SLC24A2: variants seen among roughly 807,000 people sequenced by gnomAD.
The protein encoded by SLC24A2 is sodium/potassium/calcium exchanger 2.
SLC24A2 carries 36 observed loss-of-function variants against 62.0 expected under a neutral mutation model. That is an observed-to-expected ratio of 0.58 (90% confidence interval 0.44 to 0.77). The LOEUF is 0.77. SLC24A2 is among the 30% of genes least tolerant of loss of function. SLC24A2 has a pLI of 0.00. For synonymous variants in SLC24A2, 358 were observed against 294.0 expected, an observed-to-expected ratio of 1.22 and a Z score of -2.23; for missense variants, 846 against 817.9, an observed-to-expected ratio of 1.03 and a Z score of -0.42.
At chr9:20,145,603 GT>G in the SLC24A2 span, among the ~76,000 whole-genome samples, 1 of 2,214 alleles carries the variant, frequency 4.5e-4, no homozygotes, top group African/African-American at 2.6e-3. Context: ...TCACATGTAT[GT>G]GTGTGTGTGT....
In SLC24A2 at chr9:19,636,319, C is replaced by CTTTTCT. The variant is rs1554690372; in HGVS notation, c.931-14021_931-14020insAGAAAA. On this transcript the variant is annotated intron_variant, in intron 2 of 10. Transcript: ENST00000341998. ...CTTTTCTTTTCTTTTCTTTTCTTTTCTTTCTTTCTTTCTTTCTTTCTTTCT... is the reference window on the plus strand; with the variant it reads ...CTTTTCTTTTCTTTTCTTTTCTTTTCTTTTCTTTTCTTTCTTTCTTTCTTTCTTTCT... 2.3e-3 allele frequency among the ~76,000 whole-genome samples: 101 copies of CTTTTCT among 43,426 alleles called. 6 individuals carry two copies. Among genetic ancestry groups the CTTTTCT allele is most frequent in the Middle Eastern group, 0.027 (2 of 74 alleles). The allele number at this position is 43,426 out of a possible 152,430, so 28.5% of individuals were successfully genotyped here.
At chr9:20,200,567 T>A in the SLC24A2 span, among the ~76,000 whole-genome samples, 1 of 152,196 alleles carries the variant, frequency 6.6e-6, no homozygotes. Flanking sequence ...GAGAAAGCAG[T>A]CAACTCATTG....
At position 19,573,472 on chromosome 9, in the gene SLC24A2, G is replaced by A. The variant is rs2068050672; in HGVS notation, c.1229-3C>T. On this transcript the variant is annotated splice_region_variant and splice_polypyrimidine_tract_variant and intron_variant, in intron 6 of 10. Transcript: ENST00000341998. ...GCTGTTTGGAAGCTCAATTTTTTCT[G>A]TGATATAATTTAAACACACACACAC... 5 of 1,511,818 alleles carry A rather than the reference G, an allele frequency of 3.3e-6. No homozygotes were observed. The South Asian group carries it at 5.6e-5, about 17-fold the overall frequency. 93.7% of individuals were successfully genotyped at this position (1,511,818 alleles called of 1,614,324 possible).
At chr9:19,749,727 A>G (rs941815729) in intron 2 of SLC24A2, among the ~76,000 whole-genome samples, 4 of 152,242 alleles carry the variant, frequency 2.6e-5, no homozygotes, top group African/African-American at 9.6e-5. Flanking sequence ...GACTCCTTGT[A>G]TAATGAAAAA....
rs1209978120 is a variant in SLC24A2 at position 19,678,009 on chromosome 9, AT to A, written c.931-55711del. Among the ~76,000 whole-genome samples the A allele has an allele frequency of 2.0e-5, 3 of 152,250 alleles. No homozygotes were observed. In the East Asian group the frequency reaches 5.8e-4, roughly 29 times the overall value. ...AGGAACAGAGGGCTTCAACCAGACA[AT>A]CCTGGTCTTAAATCTTATCTCTGTC... On this transcript the variant is annotated intron_variant, in intron 2 of 10. Transcript: ENST00000341998.
chr9:19,545,822 T>C (rs1318454092), intron 8 of SLC24A2, among the ~76,000 whole-genome samples: 1 of 152,070 alleles, frequency 6.6e-6, no homozygotes, highest in Non-Finnish European at 1.5e-5. Flanking sequence ...GTGTTTTTAC[T>C]AGAGACGGGT....
At chr9:19,822,826 C>T in the SLC24A2 span, among the ~76,000 whole-genome samples, 1 of 152,118 alleles carries the variant, frequency 6.6e-6, no homozygotes, top group Non-Finnish European at 1.5e-5. Flanking sequence ...TATCCTAGTT[C>T]CTTAACACAT....
At chr9:19,995,839 A>C in the SLC24A2 span, among the ~76,000 whole-genome samples, 1 of 152,202 alleles carries the variant, frequency 6.6e-6, no homozygotes, top group African/African-American at 2.4e-5. Context: ...TGGGGCAGGC[A>C]TCATGTGCTT....
rs1212120741 is a variant in SLC24A2, at chr9:19,564,925, T to C, written c.1347+8426A>G. ...GTGGGCCAAGTGCAAATCACCCATC[T>C]AGATTGGCAAAATTGAAATGTAAGA... On this transcript the variant is annotated intron_variant, in intron 7 of 10. Transcript: ENST00000341998. 2.6e-5 allele frequency among the ~76,000 whole-genome samples: 4 copies of C among 152,214 alleles called. No homozygotes were observed. The Middle Eastern group carries it at 0.014, about 518-fold the overall frequency.
chr9:19,730,690 T>C (rs1473839356), intron 2 of SLC24A2, among the ~76,000 whole-genome samples: 1 of 152,196 alleles, frequency 6.6e-6, no homozygotes, highest in Non-Finnish European at 1.5e-5. Flanking sequence ...GACAATGGTT[T>C]TCATCCCTTT....
the SLC24A2 span, among the ~76,000 whole-genome samples, chr9:20,270,322 A>C: frequency 2.0e-5 from 3 of 152,122 alleles, no homozygotes; most frequent in Non-Finnish European, 4.4e-5. Context: ...CACATAAAGG[A>C]GATGTCTAGG....
At chr9:20,220,717 T>A in the SLC24A2 span, among the ~76,000 whole-genome samples, 1 of 152,160 alleles carries the variant, frequency 6.6e-6, no homozygotes, top group Non-Finnish European at 1.5e-5. Flanking sequence ...TAGAACGCTG[T>A]CACGATGGCC....
the SLC24A2 span, among the ~76,000 whole-genome samples, chr9:20,209,143 A>G: frequency 1.3e-5 from 2 of 152,222 alleles, no homozygotes; most frequent in Admixed American, 6.5e-5. Flanking sequence ...AATGTTACCT[A>G]TTACTATTAT....
chr9:19,906,621 C>T, the SLC24A2 span, among the ~76,000 whole-genome samples: 20 of 151,958 alleles, frequency 1.3e-4, no homozygotes, highest in African/African-American at 3.4e-4. Flanking sequence ...ATCAAATAGA[C>T]GCAATAAAAA....
rs1420515020 is a variant in SLC24A2, at chr9:19,632,485, G to A, written c.931-10186C>T. 6.6e-6 allele frequency among the ~76,000 whole-genome samples: 1 copy of A among 152,112 alleles called. No individual in the cohort carries two copies. The highest frequency in any genetic ancestry group is 1.5e-5 in the Non-Finnish European group (1 of 68,024). ...ATTCTAGCCTAGATCTCACTTCCAA[G>A]ACACATTCTTCCAATTAAGTAGCAA... On this transcript the variant is annotated intron_variant, in intron 2 of 10. Transcript: ENST00000341998. This position sits in a 1 kb window ranked among gnomAD's most constrained non-coding sequence, Gnocchi z 4.5.
the SLC24A2 span, among the ~76,000 whole-genome samples, chr9:20,218,039 G>C: frequency 6.6e-6 from 1 of 152,190 alleles, no homozygotes; most frequent in South Asian, 2.1e-4. Context: ...ATGATCTGTG[G>C]ATTGGGGTAA....
At chr9:20,130,832 T>C in the SLC24A2 span, among the ~76,000 whole-genome samples, 1 of 152,074 alleles carries the variant, frequency 6.6e-6, no homozygotes, top group African/African-American at 2.4e-5. Flanking sequence ...TGTGTGGGAA[T>C]GGTGAAGGTG....
the SLC24A2 span, among the ~76,000 whole-genome samples, chr9:19,876,365 C>CGTGTGTGTGTGT: frequency 3.4e-4 from 49 of 145,518 alleles, 1 homozygote; most frequent in Non-Finnish European, 2.7e-4. Flanking sequence ...TTATTGAAGG[C>CGTGTGTGTGTGT]GTGTGTGTGT....
chr9:20,054,792 T>C, the SLC24A2 span, among the ~76,000 whole-genome samples: 1 of 152,136 alleles, frequency 6.6e-6, no homozygotes, highest in Non-Finnish European at 1.5e-5. Context: ...TGGTGAGGAA[T>C]TAGTATGAAG....
Sources: gnomAD v4.1 joint callset for allele counts (sites outside exome capture counted in the v4.1 genomes callset) on GRCh38, gnomAD v4.1.1 for gene constraint, Gnocchi (gnomAD v3.1) non-coding constraint, MANE v1.5 for transcripts, NCBI Gene and HGNC (gene_info 2026-07-23, HGNC 2026-07-21) for gene names.